Variants in CHST9 observed in about 807,000 individuals in gnomAD.
CHST9 encodes GalNAc-4-sulfotransferase 2.
In CHST9, 41 loss-of-function variants were observed where a neutral mutation model predicts 44.4. That is an observed-to-expected ratio of 0.92 (90% confidence interval 0.72 to 1.20). The LOEUF is 1.20. Among genes scored for constraint, CHST9 ranks in the 50% most tolerant of loss-of-function variants. The pLI, the probability that CHST9 is intolerant of heterozygous loss-of-function variation, is 0.00. For synonymous variants in CHST9, 171 were observed against 178.4 expected (o/e 0.96, Z 0.33); for missense variants, 504 against 516.5 (o/e 0.98, Z 0.23).
In CHST9 at chr18:26,916,244, G is replaced by T; in HGVS notation, c.*15C>A. On this transcript the variant is annotated 3_prime_UTR_variant, in exon 6 of 6. Transcript: ENST00000618847. ...ATCATTAAGTATATACAGGGTTTTA[G>T]AAAATGAATGCAAACTACAAAAATG... is the stretch of plus-strand genomic sequence containing the variant. 6.7e-7 allele frequency: 1 copy of T among 1,496,716 alleles called. No individual in the cohort carries two copies. The highest frequency in any genetic ancestry group is 9.2e-7 in the Non-Finnish European group (1 of 1,089,884). 92.7% of individuals were successfully genotyped at this position (1,496,716 alleles called of 1,614,324 possible). A position where few individuals can be genotyped will look rare whatever the true frequency, so the allele number is the denominator to read the frequency against.
chr18:27,181,850 C>T (rs2058915064), intron 1 of CHST9, among the ~76,000 whole-genome samples: 1 of 152,172 alleles, frequency 6.6e-6, no homozygotes, highest in Admixed American at 6.5e-5. Flanking sequence ...CATATGATTT[C>T]CTGCAAAGTT....
chr18:27,090,026 T>G (rs1295962793), intron 2 of CHST9, among the ~76,000 whole-genome samples: 1 of 152,106 alleles, frequency 6.6e-6, no homozygotes, highest in South Asian at 2.1e-4. Flanking sequence ...TTAGCCAGTA[T>G]GGTCTCAATC....
chr18:27,124,137 A>G (rs997118464), intron 2 of CHST9, among the ~76,000 whole-genome samples: 2 of 152,244 alleles, frequency 1.3e-5, no homozygotes, highest in Non-Finnish European at 2.9e-5. Context: ...TGAATAAATG[A>G]ATATTTAAGA....
chr18:27,058,494 C>A (rs760558413), intron 2 of CHST9, among the ~76,000 whole-genome samples: 1 of 152,156 alleles, frequency 6.6e-6, no homozygotes, highest in South Asian at 2.1e-4. Context: ...TTTTTCCAAT[C>A]CCTAAGCTTA....
intron 2 of CHST9, among the ~76,000 whole-genome samples, chr18:27,051,228 C>T (rs2057563043): frequency 6.6e-6 from 1 of 150,832 alleles, no homozygotes; most frequent in Non-Finnish European, 1.5e-5. Flanking sequence ...GCCTGTGCAA[C>T]AAAATGAGAC....
At chr18:27,025,907 A>T (rs1486317548) in intron 3 of CHST9, among the ~76,000 whole-genome samples, 1 of 152,196 alleles carries the variant, frequency 6.6e-6, no homozygotes, top group Non-Finnish European at 1.5e-5. Flanking sequence ...TTATTTATGC[A>T]GGCTGTCACT....
intron 4 of CHST9, among the ~76,000 whole-genome samples, chr18:27,018,752 T>C (rs1432688333): frequency 6.6e-6 from 1 of 152,200 alleles, no homozygotes; most frequent in Non-Finnish European, 1.5e-5. Flanking sequence ...CTAACTATCC[T>C]TTCCTACCAA....
At chr18:27,090,068 C>T (rs1320485134) in intron 2 of CHST9, among the ~76,000 whole-genome samples, 1 of 152,148 alleles carries the variant, frequency 6.6e-6, no homozygotes, top group Non-Finnish European at 1.5e-5. Flanking sequence ...GCCTCGGCCT[C>T]CCACAGTGCT....
At position 26,907,768 on chromosome 18, in the gene CHST9, T is replaced by A. The variant is rs1461420061; in HGVS notation, c.*8491A>T. 1 of 153,248 alleles carries A rather than the reference T, an allele frequency of 6.5e-6. No individual in the cohort carries two copies. The highest frequency in any genetic ancestry group is 2.4e-5 in the African/African-American group (1 of 41,446). The allele number at this position is 153,248 out of a possible 1,614,324, so 9.5% of individuals were successfully genotyped here. ...AGCTATCAGGTGATTAAGCTGGGAA[T>A]GGGTTATAGTCTTGAGAGATTGAGG... On this transcript the variant is annotated 3_prime_UTR_variant, in exon 6 of 6. Coordinates refer to ENST00000618847, the MANE Select transcript of CHST9 (RefSeq NM_031422.6).
In CHST9 at chr18:27,170,378, T is replaced by C. The variant is rs537011029; in HGVS notation, c.-97+14758A>G. ...GACTTAATGGAGCAGAATTTCTCCATTGATCCTCACGGAATTGTGTCATGA... is the reference window on the plus strand; with the variant it reads ...GACTTAATGGAGCAGAATTTCTCCACTGATCCTCACGGAATTGTGTCATGA... On this transcript the variant is annotated intron_variant, in intron 1 of 5. Coordinates refer to ENST00000618847, the MANE Select transcript of CHST9 (RefSeq NM_031422.6). 2.0e-5 allele frequency among the ~76,000 whole-genome samples: 3 copies of C among 152,306 alleles called. No homozygotes were observed. In the East Asian group the frequency reaches 5.8e-4, roughly 30 times the overall value.
chr18:26,914,466 T>G lies in CHST9; in HGVS notation c.*1793A>C, dbSNP rs1289578684. On this transcript the variant is annotated 3_prime_UTR_variant, in exon 6 of 6. Coordinates refer to ENST00000618847, the MANE Select transcript of CHST9 (RefSeq NM_031422.6). The stretch of plus-strand genomic sequence containing the variant: ...ATTACTAGGAATCTACTCTACATGG[T>G]GCAGCAAAATTTTAAATTATGTAAT... 6.5e-6 allele frequency: 1 copy of G among 152,816 alleles called. No individual in the cohort carries two copies. The highest frequency in any genetic ancestry group is 1.5e-5 in the Non-Finnish European group (1 of 68,472). The allele number at this position is 152,816 out of a possible 1,614,324, so 9.5% of individuals were successfully genotyped here.
intron 4 of CHST9, among the ~76,000 whole-genome samples, chr18:26,960,178 T>C (rs1355196877): frequency 6.6e-6 from 1 of 152,002 alleles, no homozygotes; most frequent in Non-Finnish European, 1.5e-5. Context: ...ATCAGGAAAA[T>C]ACCAGGCAGT....
At chr18:27,153,240 G>T (rs2058671976) in intron 1 of CHST9, among the ~76,000 whole-genome samples, 1 of 152,138 alleles carries the variant, frequency 6.6e-6, no homozygotes. Context: ...GTTCGGGAAT[G>T]ACCACTTATA....
intron 5 of CHST9, among the ~76,000 whole-genome samples, chr18:26,930,069 T>C (rs1159122856): frequency 6.6e-6 from 1 of 152,186 alleles, no homozygotes; most frequent in African/African-American, 2.4e-5. Flanking sequence ...TGTCAGCACC[T>C]TTGAGTGAAA....
At chr18:26,953,535 T>C (rs950653876) in intron 4 of CHST9, among the ~76,000 whole-genome samples, 1 of 152,018 alleles carries the variant, frequency 6.6e-6, no homozygotes, top group Non-Finnish European at 1.5e-5. Flanking sequence ...AAGTAAGTGA[T>C]GGGTTGGGGC....
intron 2 of CHST9, among the ~76,000 whole-genome samples, chr18:27,139,142 C>T (rs544904787): frequency 7.2e-5 from 11 of 151,940 alleles, no homozygotes; most frequent in East Asian, 1.9e-4. Flanking sequence ...TATTTTAATA[C>T]GAAAAACCCA....
intron 2 of CHST9, among the ~76,000 whole-genome samples, chr18:27,082,724 T>C (rs9952700): frequency 0.01 from 1,594 of 152,252 alleles, 24 homozygotes; most frequent in African/African-American, 0.034. Flanking sequence ...GAAAAAGATA[T>C]AACTTTGTGC....
rs1301364450 is a variant in CHST9, at chr18:26,910,065, C to T, written c.*6194G>A. 6.6e-6 allele frequency: 1 copy of T among 151,980 alleles called. No homozygotes were observed. Among genetic ancestry groups the T allele is most frequent in the African/African-American group, 2.4e-5 (1 of 41,362 alleles). 9.4% of individuals were successfully genotyped at this position (151,980 alleles called of 1,614,324 possible). On this transcript the variant is annotated 3_prime_UTR_variant, in exon 6 of 6. Coordinates refer to ENST00000618847, the MANE Select transcript of CHST9 (RefSeq NM_031422.6). ...GCAGCAGTGGGAGCCAGTTTCTGTC[C>T]CTAGATACTAGAGCTCCAAGAGCCT...
intron 4 of CHST9, among the ~76,000 whole-genome samples, chr18:26,970,497 C>T (rs537729645): frequency 3.9e-5 from 6 of 152,270 alleles, no homozygotes; most frequent in East Asian, 1.9e-4. Context: ...GGCACAGTCT[C>T]GGCTCACTGC....
Sources: gnomAD v4.1 joint callset for allele counts (sites outside exome capture counted in the v4.1 genomes callset) on GRCh38, gnomAD v4.1.1 for gene constraint, MANE v1.5 for transcripts, NCBI Gene and HGNC (gene_info 2026-07-23, HGNC 2026-07-21) for gene names.